The following MTPN variants were observed in gnomAD, a reference collection of about 807,000 sequenced individuals.
MTPN encodes the protein granule cell differentiation protein.
MTPN carries 2 observed loss-of-function variants against 13.5 expected under a neutral mutation model. The ratio of observed to expected loss-of-function variants is 0.15; its 90% confidence interval spans 0.06 to 0.47. MTPN has a LOEUF of 0.47. MTPN is among the 20% of genes least tolerant of loss of function. MTPN has a pLI of 0.97. For synonymous variants in MTPN, 46 were observed against 51.7 expected (o/e 0.89, Z 0.48); for missense variants, 79 against 137.9 (o/e 0.57, Z 2.14).
intron 1 of MTPN, among the ~76,000 whole-genome samples, chr7:135,956,742 T>C (rs1459474836): frequency 3.3e-5 from 5 of 152,172 alleles, no homozygotes; most frequent in Admixed American, 2.0e-4. Flanking sequence ...CTTGACTGTG[T>C]TTTCAACCTT....
intron 1 of MTPN, among the ~76,000 whole-genome samples, chr7:135,973,964 T>A (rs1213627399): frequency 2.0e-5 from 3 of 152,092 alleles, no homozygotes; most frequent in Non-Finnish European, 2.9e-5. Flanking sequence ...GTTGAAAGAC[T>A]TTAAAATTGC....
rs1798956405 is a variant in MTPN, at chr7:135,928,218, G to A, written c.*1708C>T. 1 of 167,300 alleles carries A rather than the reference G, an allele frequency of 6.0e-6. No homozygotes were observed. Among genetic ancestry groups the A allele is most frequent in the African/African-American group, 2.4e-5 (1 of 41,418 alleles). The allele number at this position is 167,300 out of a possible 1,614,324, so 10.4% of individuals were successfully genotyped here. On this transcript the variant is annotated 3_prime_UTR_variant, in exon 4 of 4. Transcript: ENST00000393085. ...CTACTTTGTGATTGTTTTCTTGGAT[G>A]TAGGAAAATTACAGGGTTAGGCTAG...
At chr7:135,934,064 G>C (rs1433529437) in intron 3 of MTPN, among the ~76,000 whole-genome samples, 1 of 152,076 alleles carries the variant, frequency 6.6e-6, no homozygotes, top group East Asian at 1.9e-4. Flanking sequence ...ACAGCGTGAG[G>C]AACTGTGAGT....
intron 1 of MTPN, among the ~76,000 whole-genome samples, chr7:135,965,590 A>C (rs917310665): frequency 1.3e-5 from 2 of 152,132 alleles, no homozygotes; most frequent in Non-Finnish European, 2.9e-5. Context: ...AGCATGCACA[A>C]AACTATCTTT....
intron 3 of MTPN, among the ~76,000 whole-genome samples, chr7:135,946,418 G>A (rs767386232): frequency 2.0e-5 from 3 of 152,164 alleles, no homozygotes; most frequent in Non-Finnish European, 4.4e-5. Flanking sequence ...TGAGGGTTAG[G>A]GTTTTAAAAC....
intron 1 of MTPN, among the ~76,000 whole-genome samples, chr7:135,974,309 C>T (rs1165751267): frequency 2.6e-5 from 4 of 152,156 alleles, no homozygotes; most frequent in African/African-American, 4.8e-5. Flanking sequence ...TTTGGGAGGC[C>T]GAGGCCAGAA....
intron 1 of MTPN, among the ~76,000 whole-genome samples, chr7:135,954,835 T>C (rs1315885911): frequency 6.6e-6 from 1 of 152,014 alleles, no homozygotes; most frequent in Non-Finnish European, 1.5e-5. Context: ...CCCAGCTACT[T>C]GGGAGGCTGA....
At chr7:135,940,506 G>A (rs1799192781) in intron 3 of MTPN, among the ~76,000 whole-genome samples, 1 of 152,262 alleles carries the variant, frequency 6.6e-6, no homozygotes, top group Admixed American at 6.5e-5. Flanking sequence ...AGTTTTTAAT[G>A]TAACAGTAAA....
At chr7:135,937,339 T>C (rs7790276) in intron 3 of MTPN, among the ~76,000 whole-genome samples, 3,013 of 151,692 alleles carry the variant, frequency 0.02, 98 homozygotes, top group African/African-American at 0.07. Context: ...AGCACTTCTA[T>C]ATATATATAG....
chr7:135,969,544 C>A (rs906054745), intron 1 of MTPN, among the ~76,000 whole-genome samples: 4 of 149,866 alleles, frequency 2.7e-5, no homozygotes, highest in African/African-American at 9.8e-5. Flanking sequence ...ACACTTATTT[C>A]ATGCCTTACT....
Position 135,932,074 on chromosome 7 carries a change from T to A in MTPN, c.271-2062A>T, listed in dbSNP as rs367918586. On this transcript the variant is annotated intron_variant, in intron 3 of 3. Coordinates refer to ENST00000393085, the MANE Select transcript of MTPN (RefSeq NM_145808.4). ...CCCTGTTGTGCTACCAAATACTAGA[T>A]CATATTCATTGTAACTGTATTTCTG... The A allele has an allele frequency of 2.6e-5, 4 of 152,290 alleles. No homozygotes were observed. The East Asian group carries it at 7.7e-4, about 29-fold the overall frequency. The allele number at this position is 152,290 out of a possible 1,614,324, so 9.4% of individuals were successfully genotyped here.
chr7:135,953,830 C>T (rs987615166), intron 1 of MTPN, among the ~76,000 whole-genome samples: 1 of 152,092 alleles, frequency 6.6e-6, no homozygotes, highest in African/African-American at 2.4e-5. Flanking sequence ...ATAAAACAAT[C>T]TAAGTTAAGA....
chr7:135,957,885 A>G (rs1347212653), intron 1 of MTPN, among the ~76,000 whole-genome samples: 3 of 152,094 alleles, frequency 2.0e-5, no homozygotes, highest in Admixed American at 6.6e-5. Flanking sequence ...ATTTTCTGCC[A>G]TGAGTGGAGG....
intron 3 of MTPN, among the ~76,000 whole-genome samples, chr7:135,940,149 G>A (rs574550319): frequency 6.6e-6 from 1 of 151,988 alleles, no homozygotes; most frequent in African/African-American, 2.4e-5. Flanking sequence ...GTAGTTCCAT[G>A]GTACTATGAG....
chr7:135,977,273 G>C lies in MTPN; in HGVS notation c.-173C>G. On this transcript the variant is annotated 5_prime_UTR_variant, in exon 1 of 4. Coordinates refer to ENST00000393085, the MANE Select transcript of MTPN (RefSeq NM_145808.4). ...AGGCAGTTGGCCGCGGCGACCGTTC[G>C]GGCGGGAGAAAGAAAGTTCTTTTGC... 1.5e-6 allele frequency: 1 copy of C among 655,310 alleles called. No individual in the cohort carries two copies. The highest frequency in any genetic ancestry group is 3.7e-4 in the Middle Eastern group (1 of 2,692). 40.6% of individuals were successfully genotyped at this position (655,310 alleles called of 1,614,324 possible). A position where few individuals can be genotyped will look rare whatever the true frequency, so the allele number is the denominator to read the frequency against.
At chr7:135,959,407 G>A (rs1421612445) in intron 1 of MTPN, among the ~76,000 whole-genome samples, 1 of 152,116 alleles carries the variant, frequency 6.6e-6, no homozygotes, top group East Asian at 1.9e-4. Flanking sequence ...GGTTGATTAT[G>A]TACTTTGTGT....
In MTPN at chr7:135,927,909, C is replaced by A; in HGVS notation, c.*2017G>T. The A allele has an allele frequency of 6.7e-6, 2 of 300,422 alleles. No individual in the cohort carries two copies. The highest frequency in any genetic ancestry group is 1.0e-4 in the East Asian group (1 of 9,920). The allele number at this position is 300,422 out of a possible 1,614,324, so 18.6% of individuals were successfully genotyped here. ...ACAATGCACTCTCTGCAATAGCCAA[C>A]TACAACAAAACACTTTGAAAGTAAA... On this transcript the variant is annotated 3_prime_UTR_variant, in exon 4 of 4. Transcript: ENST00000393085.
intron 3 of MTPN, among the ~76,000 whole-genome samples, chr7:135,930,362 A>G (rs564798823): frequency 2.6e-5 from 4 of 152,232 alleles, no homozygotes; most frequent in Non-Finnish European, 5.9e-5. Context: ...ACGGGGAAAA[A>G]GTAAATCACT....
At chr7:135,930,113 T>A in intron 3 of MTPN, 101 bp from the exon 4 acceptor site, 1 of 1,009,846 alleles carries the variant, frequency 9.9e-7, no homozygotes, top group Non-Finnish European at 1.5e-6. Flanking sequence ...CATCAAGAAT[T>A]AAAAATTCCT....
Sources: gnomAD v4.1 joint callset for allele counts (sites outside exome capture counted in the v4.1 genomes callset) on GRCh38, gnomAD v4.1.1 for gene constraint, MANE v1.5 for transcripts, NCBI Gene and HGNC (gene_info 2026-07-23, HGNC 2026-07-21) for gene names.